PRKACB: variants seen among roughly 807,000 people sequenced by gnomAD.
The protein encoded by PRKACB is protein kinase cAMP-activated catalytic subunit beta.
A neutral mutation model predicts 51.4 loss-of-function variants in PRKACB; 16 were observed. The observed-to-expected ratio is 0.31, with a 90% CI of 0.21 to 0.47. PRKACB has a LOEUF of 0.47. PRKACB is among the 20% of genes least tolerant of loss of function. PRKACB has a pLI of 1.00. For synonymous variants in PRKACB, 147 were observed against 154.4 expected (o/e 0.95, Z 0.35); for missense variants, 309 against 464.5 (o/e 0.67, Z 3.08).
chr1:84,226,647 T>C (rs1257218471), intron 9 of PRKACB, among the ~76,000 whole-genome samples: 1 of 152,194 alleles, frequency 6.6e-6, no homozygotes, highest in African/African-American at 2.4e-5. Context: ...TTGACAATCA[T>C]AGGAGATTGG....
chr1:84,119,552 AAGAG>A (rs1487171438), intron 1 of PRKACB, among the ~76,000 whole-genome samples: 2 of 152,096 alleles, frequency 1.3e-5, no homozygotes, highest in African/African-American at 2.4e-5. Flanking sequence ...TCTACCCAAA[AAGAG>A]AGATCTAAAA....
intron 5 of PRKACB, among the ~76,000 whole-genome samples, chr1:84,189,198 T>C (rs371046275): frequency 3.9e-5 from 6 of 151,944 alleles, no homozygotes; most frequent in African/African-American, 1.2e-4. Context: ...TTGAATTTAA[T>C]CAGACACAGG....
At chr1:84,231,713 G>A (rs967022541) in intron 9 of PRKACB, among the ~76,000 whole-genome samples, 2 of 152,044 alleles carry the variant, frequency 1.3e-5, no homozygotes, top group Non-Finnish European at 2.9e-5. Context: ...TTGCGTAGAG[G>A]TGTTTGTAGT....
intron 7 of PRKACB, among the ~76,000 whole-genome samples, chr1:84,199,620 C>T (rs1669482115): frequency 6.6e-6 from 1 of 152,088 alleles, no homozygotes; most frequent in Admixed American, 6.6e-5. Flanking sequence ...TAAACAAATG[C>T]ATGTGTCTTT....
chr1:84,094,928 T>C (rs1648809145), intron 1 of PRKACB, among the ~76,000 whole-genome samples: 1 of 152,028 alleles, frequency 6.6e-6, no homozygotes, highest in Admixed American at 6.6e-5. Flanking sequence ...ACTTCATTTT[T>C]AATGTACTTT....
At chr1:84,200,966 G>A (rs1182167945) in intron 7 of PRKACB, among the ~76,000 whole-genome samples, 2 of 151,834 alleles carry the variant, frequency 1.3e-5, no homozygotes, top group Admixed American at 1.3e-4. Flanking sequence ...TGAGTGTTCA[G>A]GTTTTATTTT....
chr1:84,125,749 A>AG (rs563520708), intron 1 of PRKACB, among the ~76,000 whole-genome samples: 140 of 152,224 alleles, frequency 9.2e-4, no homozygotes, highest in Non-Finnish European at 1.5e-3. Flanking sequence ...TATGATTAAA[A>AG]TAAAATTTAG....
intron 1 of PRKACB, among the ~76,000 whole-genome samples, chr1:84,102,552 A>C (rs1335918466): frequency 1.8e-4 from 28 of 152,184 alleles, no homozygotes; most frequent in Admixed American, 1.8e-3. Context: ...GGGAATGTGG[A>C]TGTGGCTTTT....
intron 9 of PRKACB, among the ~76,000 whole-genome samples, chr1:84,229,517 A>G (rs1306716555): frequency 1.4e-5 from 2 of 143,962 alleles, no homozygotes; most frequent in Non-Finnish European, 3.0e-5. Flanking sequence ...ACTGACTTCC[A>G]CAATGGTTGA....
At chr1:84,198,533 A>G (rs1668833626) in intron 7 of PRKACB, among the ~76,000 whole-genome samples, 1 of 152,138 alleles carries the variant, frequency 6.6e-6, no homozygotes, top group Admixed American at 6.6e-5. Flanking sequence ...TTAAAATAAA[A>G]GATTTCTTTC....
chr1:84,172,143 A>G (rs1659714081), intron 1 of PRKACB, among the ~76,000 whole-genome samples: 1 of 151,610 alleles, frequency 6.6e-6, no homozygotes, highest in African/African-American at 2.4e-5. Context: ...CAATAAATTG[A>G]TGCTACCATT....
chr1:84,161,803 ATGT>A (rs1429760196), intron 1 of PRKACB, among the ~76,000 whole-genome samples: 3 of 151,974 alleles, frequency 2.0e-5, no homozygotes, highest in Non-Finnish European at 4.4e-5. Flanking sequence ...CAGCAACATA[ATGT>A]TGTAATTATT....
At chr1:84,231,987 T>A (rs1675763592) in intron 9 of PRKACB, among the ~76,000 whole-genome samples, 1 of 150,680 alleles carries the variant, frequency 6.6e-6, no homozygotes, top group Admixed American at 6.6e-5. Context: ...TGCTCTTGCT[T>A]TTCTAGTTCT....
chr1:84,119,643 C>A (rs559822883), intron 1 of PRKACB, among the ~76,000 whole-genome samples: 1 of 152,200 alleles, frequency 6.6e-6, no homozygotes, highest in South Asian at 2.1e-4. Context: ...TGACTTTCCA[C>A]AGCCCTAGTA....
intron 3 of PRKACB, among the ~76,000 whole-genome samples, chr1:84,182,772 A>G: frequency 8.5e-6 from 1 of 118,232 alleles, no homozygotes. Flanking sequence ...AAGGGACTTG[A>G]GCACCTGGGC....
At chr1:84,144,602 G>T in intron 1 of PRKACB, 54 bp downstream of exon 1, 2 of 1,483,764 alleles carry the variant, frequency 1.3e-6, no homozygotes, top group South Asian at 1.3e-5. Flanking sequence ...AATGGTAATT[G>T]GAGTTTTACA....
In PRKACB at chr1:84,196,662, G is replaced by A; in HGVS notation, c.607G>A (p.Glu203Lys). 1.2e-6 allele frequency: 2 copies of A among 1,613,472 alleles called. No homozygotes were observed. Among genetic ancestry groups the A allele is most frequent in the Non-Finnish European group, 1.7e-6 (2 of 1,179,602 alleles). ...TGCAGCTCAGATAGTGCTAACATTC[G>A]AGTACCTCCATTCACTAGACCTCAT... ...FYAAQIVLTF[E>K]YLHSLDLIYR... Residue 203 changes from glutamate to lysine, a missense_variant, in exon 6 of 10, where the codon GAG becomes AAG. By Grantham distance (56) the Glu-to-Lys change is moderately conservative (BLOSUM62 1). Coordinates refer to ENST00000370685, the MANE Select transcript of PRKACB (RefSeq NM_182948.4).
chr1:84,108,945 T>C (rs1010591652), intron 1 of PRKACB, among the ~76,000 whole-genome samples: 2 of 152,074 alleles, frequency 1.3e-5, no homozygotes, highest in African/African-American at 4.8e-5. Context: ...CTCTCTACTT[T>C]GACAGGATTG....
At chr1:84,082,072 T>TCA in intron 1 of PRKACB, among the ~76,000 whole-genome samples, 1 of 152,346 alleles carries the variant, frequency 6.6e-6, no homozygotes, top group East Asian at 1.9e-4. Context: ...AAACTTTTAC[T>TCA]TACTCTTTTA....
Sources: allele counts gnomAD v4.1 joint callset (sites outside exome capture counted in the v4.1 genomes callset), GRCh38; gene constraint gnomAD v4.1.1; transcripts MANE v1.5; gene names NCBI Gene and HGNC (gene_info 2026-07-23, HGNC 2026-07-21).